PTPRD: variants seen among roughly 807,000 people sequenced by gnomAD.
The protein encoded by PTPRD is protein tyrosine phosphatase receptor type D.
A neutral mutation model predicts 214.5 loss-of-function variants in PTPRD; 34 were observed. The observed-to-expected ratio is 0.16, with a 90% CI of 0.12 to 0.21. The LOEUF (loss-of-function observed/expected upper bound fraction) is 0.21, where lower values mean the gene tolerates loss of function less well. PTPRD is among the 10% of genes least tolerant of loss of function. The pLI is 1.00. For synonymous variants in PTPRD, 1,128 were observed against 845.7 expected (o/e 1.33, Z -5.79); for missense variants, 2,545 against 2,398.7 (o/e 1.06, Z -1.27).
intron 36 of PTPRD, among the ~76,000 whole-genome samples, chr9:8,391,331 C>T (rs1439934324): frequency 7.2e-5 from 11 of 152,124 alleles, no homozygotes; most frequent in Non-Finnish European, 8.8e-5. Context: ...ATACCACCAG[C>T]ATTAGTTGAA....
At chr9:9,500,235 T>A (rs534107514) in intron 8 of PTPRD, among the ~76,000 whole-genome samples, 2 of 152,088 alleles carry the variant, frequency 1.3e-5, no homozygotes, top group African/African-American at 2.4e-5. Context: ...CTCCCAGCCA[T>A]GATAGAGAAA....
At chr9:8,913,750 C>T (rs1012826924) in intron 11 of PTPRD, among the ~76,000 whole-genome samples, 3 of 151,998 alleles carry the variant, frequency 2.0e-5, no homozygotes, top group African/African-American at 7.2e-5. Flanking sequence ...TTCATGCTAT[C>T]AATATTCTGC....
chr9:10,312,948 A>G (rs548971846), intron 3 of PTPRD, among the ~76,000 whole-genome samples: 81 of 152,102 alleles, frequency 5.3e-4, no homozygotes, highest in African/African-American at 1.8e-3. Flanking sequence ...ACAGAGTAAA[A>G]CAAACCCATC....
At chr9:8,789,625 A>C (rs1444420751) in intron 11 of PTPRD, among the ~76,000 whole-genome samples, 1 of 152,176 alleles carries the variant, frequency 6.6e-6, no homozygotes, top group African/African-American at 2.4e-5. Flanking sequence ...GGTGGTTTAG[A>C]AACAGTAGAG....
In PTPRD at chr9:8,376,704, G is replaced by A; in HGVS notation, c.4409C>T (p.Pro1470Leu). The A allele has an allele frequency of 6.2e-7, 1 of 1,612,964 alleles. No individual in the cohort carries two copies. The highest frequency in any genetic ancestry group is 8.5e-7 in the Non-Finnish European group (1 of 1,179,268). ...RSRVKCDQYWPSRGTETHGLV... is the reference protein window; with the variant it reads ...RSRVKCDQYWLSRGTETHGLV... Reference sequence around the variant, plus strand: ...TCCGTGGGTTTCTGTGCCTCTGCTAGGCCAATACTGGTCACACTTCACCTA... The same window carrying A: ...TCCGTGGGTTTCTGTGCCTCTGCTAAGCCAATACTGGTCACACTTCACCTA... The change falls in exon 38 of 46, where the codon CCT becomes CTT. Residue 1470 changes from proline to leucine, a missense_variant. Physicochemically the swap from Pro to Leu is moderately conservative, Grantham distance 98. Coordinates refer to ENST00000381196, the MANE Select transcript of PTPRD (RefSeq NM_002839.4).
intron 5 of PTPRD, among the ~76,000 whole-genome samples, chr9:9,768,063 C>T (rs908284979): frequency 6.6e-6 from 1 of 152,140 alleles, no homozygotes; most frequent in Non-Finnish European, 1.5e-5. Flanking sequence ...GATGTTGTTG[C>T]TTAAAATACA....
intron 3 of PTPRD, among the ~76,000 whole-genome samples, chr9:10,035,156 A>G (rs957245293): frequency 9.2e-5 from 14 of 152,116 alleles, no homozygotes; most frequent in African/African-American, 3.4e-4. Context: ...GACTAGTGTG[A>G]GATAGTGTCT....
chr9:8,750,235 G>GC (rs763070943), intron 11 of PTPRD, among the ~76,000 whole-genome samples: 2 of 151,798 alleles, frequency 1.3e-5, no homozygotes, highest in Non-Finnish European at 2.9e-5. Context: ...TCAGCTCACT[G>GC]CAACCTCTGT....
chr9:10,483,487 G>C (rs1406184804), intron 2 of PTPRD, among the ~76,000 whole-genome samples: 1 of 151,720 alleles, frequency 6.6e-6, no homozygotes, highest in Non-Finnish European at 1.5e-5. Context: ...AGGGTAAAGA[G>C]AGAATCTACA....
At chr9:8,888,362 G>C (rs984428496) in intron 11 of PTPRD, among the ~76,000 whole-genome samples, 7 of 152,046 alleles carry the variant, frequency 4.6e-5, no homozygotes, top group Non-Finnish European at 1.0e-4. Flanking sequence ...CTGGATACTT[G>C]AAAGCATACC....
intron 14 of PTPRD, among the ~76,000 whole-genome samples, chr9:8,537,807 A>G (rs1281052552): frequency 6.6e-6 from 1 of 152,060 alleles, no homozygotes. Flanking sequence ...GCATGCAATC[A>G]TCCTACAAAT....
Position 10,277,246 on chromosome 9 carries a change from T to TAA in PTPRD, c.-545+63715_-545+63716dup, listed in dbSNP as rs145152261. On this transcript the variant is annotated intron_variant, in intron 3 of 45. Transcript: ENST00000381196. ...TAAACATAAACATAAAACATAAACATAAAAAAAAAACAACAAACCCTGAGT... is the reference window on the plus strand; with the variant it reads ...TAAACATAAACATAAAACATAAACATAAAAAAAAAAAACAACAAACCCTGAGT... Among the ~76,000 whole-genome samples the TAA allele has an allele frequency of 1.3e-3, 189 of 148,218 alleles. 1 individual carries two copies. The highest frequency in any genetic ancestry group is 4.5e-3 in the African/African-American group (183 of 40,348).
intron 10 of PTPRD, among the ~76,000 whole-genome samples, chr9:9,103,654 A>G (rs1217036698): frequency 1.3e-5 from 2 of 152,052 alleles, no homozygotes; most frequent in African/African-American, 4.8e-5. Context: ...AACTTTCTCC[A>G]ATTTTTGCAA....
Position 8,920,638 on chromosome 9 carries a change from T to C in PTPRD, c.-104+98059A>G, listed in dbSNP as rs561551140. ...AATGTTTTAAGAAAGTTTACAAATT[T>C]GTGTTGGGCCACATTCAAAGCCATC... On this transcript the variant is annotated intron_variant, in intron 11 of 45. Transcript: ENST00000381196. Among the ~76,000 whole-genome samples, 3 of 152,258 alleles carry C rather than the reference T, an allele frequency of 2.0e-5. 1 individual carries two copies. In the South Asian group the frequency reaches 6.2e-4, roughly 32 times the overall value.
intron 3 of PTPRD, among the ~76,000 whole-genome samples, chr9:10,125,925 G>A (rs945189915): frequency 5.9e-5 from 9 of 152,192 alleles, no homozygotes; most frequent in Admixed American, 1.3e-4. Context: ...AATATATTGT[G>A]TGACCAAGAA....
At chr9:8,933,784 G>A (rs78064680) in intron 11 of PTPRD, among the ~76,000 whole-genome samples, 2,941 of 152,144 alleles carry the variant, frequency 0.019, 39 homozygotes, top group Middle Eastern at 0.058. Context: ...ACGTTTGGTA[G>A]CATTTTGACC....
At chr9:8,734,639 C>A (rs1342361010) in intron 11 of PTPRD, among the ~76,000 whole-genome samples, 1 of 152,204 alleles carries the variant, frequency 6.6e-6, no homozygotes, top group African/African-American at 2.4e-5. Flanking sequence ...CAAAAAGCCA[C>A]AAACTATTTT....
chr9:10,262,506 A>T (rs959539373), intron 3 of PTPRD, among the ~76,000 whole-genome samples: 4 of 152,222 alleles, frequency 2.6e-5, no homozygotes, highest in African/African-American at 9.6e-5. Context: ...ATCCAAGTTC[A>T]TGTTGTTAAC....
At chr9:9,729,918 A>G (rs2098159249) in intron 7 of PTPRD, among the ~76,000 whole-genome samples, 1 of 152,156 alleles carries the variant, frequency 6.6e-6, no homozygotes. Flanking sequence ...TAATGTTAAA[A>G]TGTGCAAAGC....
Sources: gnomAD v4.1 joint callset for allele counts (sites outside exome capture counted in the v4.1 genomes callset) on GRCh38, gnomAD v4.1.1 for gene constraint, MANE v1.5 for transcripts, NCBI Gene and HGNC (gene_info 2026-07-23, HGNC 2026-07-21) for gene names.